Variants in ATE1 observed in about 807,000 individuals in gnomAD.
ATE1 encodes the protein arginyl-tRNA--protein transferase 1.
A neutral mutation model predicts 70.5 loss-of-function variants in ATE1; 36 were observed. That is an observed-to-expected ratio of 0.51 (90% CI 0.39 to 0.67). ATE1 has a LOEUF of 0.67. ATE1 is among the 30% of genes least tolerant of loss of function. The pLI is 0.00. For missense variants in ATE1, 593 were observed against 629.5 expected (o/e 0.94, Z 0.62); for synonymous variants, 232 against 219.3 (o/e 1.06, Z -0.51).
chr10:121,833,152 A>C (rs935888706), intron 10 of ATE1, among the ~76,000 whole-genome samples: 5 of 152,024 alleles, frequency 3.3e-5, no homozygotes, highest in Admixed American at 1.3e-4. Flanking sequence ...CTGTGTCACC[A>C]CCTCCCTTTG....
intron 3 of ATE1, among the ~76,000 whole-genome samples, chr10:121,916,486 C>T (rs762828208): frequency 6.6e-6 from 1 of 152,086 alleles, no homozygotes; most frequent in Non-Finnish European, 1.5e-5. Context: ...AGAAGATGTG[C>T]TTCACTAAAA....
intron 11 of ATE1, among the ~76,000 whole-genome samples, chr10:121,751,328 G>T (rs1312889034): frequency 6.6e-6 from 1 of 152,226 alleles, no homozygotes; most frequent in Non-Finnish European, 1.5e-5. Context: ...GACTTACAGT[G>T]TATTCACAGA....
chr10:121,911,684 C>A (rs1951438302), intron 4 of ATE1, among the ~76,000 whole-genome samples: 2 of 152,098 alleles, frequency 1.3e-5, no homozygotes, highest in South Asian at 4.1e-4. Context: ...CCCAGAATGG[C>A]TGGTGGGGAG....
chr10:121,813,905 G>A (rs1315059932), intron 10 of ATE1, among the ~76,000 whole-genome samples: 3 of 152,124 alleles, frequency 2.0e-5, no homozygotes, highest in Non-Finnish European at 4.4e-5. Flanking sequence ...TGACATAAAC[G>A]TGGCTGTGTA....
intron 7 of ATE1, among the ~76,000 whole-genome samples, chr10:121,892,234 C>T (rs1414421409): frequency 6.7e-6 from 1 of 148,390 alleles, no homozygotes; most frequent in Non-Finnish European, 1.5e-5. Flanking sequence ...AGGATGAAAA[C>T]ACGACCGGTG....
Position 121,927,931 on chromosome 10 carries a change from C to G in ATE1, c.19G>C (p.Gly7Arg). 1 of 1,573,376 alleles carries G rather than the reference C, an allele frequency of 6.4e-7. No individual in the cohort carries two copies. The highest frequency in any genetic ancestry group is 1.2e-5 in the South Asian group (1 of 86,318). Residue 7 changes from glycine to arginine, a missense_variant, in exon 1 of 12, where the codon GGT becomes CGT. Gly to Arg is a moderately radical substitution (Grantham distance 125). This residue lies in a region of ATE1 where 467 missense variants were observed against 469.6 expected (regional missense o/e 0.99). Transcript: ENST00000224652. MAFWAGGSPSVVDYFPS... is the reference protein window; with the variant it reads MAFWAGRSPSVVDYFPS... ...AAATAGTCCACGACGCTGGGCGAAC[C>G]CCCCGCCCAGAAAGCCATGGCCTCG... is the stretch of plus-strand genomic sequence containing the variant.
At position 121,866,165 on chromosome 10, in the gene ATE1, T is replaced by C. The variant is rs17102697; in HGVS notation, c.975+3841A>G. On this transcript the variant is annotated intron_variant, in intron 8 of 11. Coordinates refer to ENST00000224652, the MANE Select transcript of ATE1 (RefSeq NM_001001976.3). ...CCTTTGGTTTGGCTGTCAGGAGCTA[T>C]GTGGTGGCAAAGGAACAGCAGCCCC... is the stretch of plus-strand genomic sequence containing the variant. Among the ~76,000 whole-genome samples the C allele has an allele frequency of 1.0e-3, 157 of 152,316 alleles. 4 individuals carry two copies. The East Asian group carries it at 0.027, about 26-fold the overall frequency.
intron 10 of ATE1, among the ~76,000 whole-genome samples, chr10:121,823,245 G>A (rs183150361): frequency 1.4e-4 from 22 of 152,086 alleles, no homozygotes; most frequent in African/African-American, 4.6e-4. Flanking sequence ...AGCTGAGATC[G>A]CACCACTGCA....
intron 11 of ATE1, among the ~76,000 whole-genome samples, chr10:121,789,585 C>T (rs951645796): frequency 1.3e-5 from 2 of 152,058 alleles, no homozygotes; most frequent in Admixed American, 6.6e-5. Context: ...AGGTGTGAGC[C>T]ACGGCACCCA....
chr10:121,831,352 ATATT>A (rs1283386762), intron 10 of ATE1, among the ~76,000 whole-genome samples: 1 of 152,198 alleles, frequency 6.6e-6, no homozygotes, highest in African/African-American at 2.4e-5. Flanking sequence ...AAACTTATTA[ATATT>A]TATATTTACA....
At chr10:121,845,495 T>C (rs1948782931) in intron 8 of ATE1, among the ~76,000 whole-genome samples, 1 of 152,160 alleles carries the variant, frequency 6.6e-6, no homozygotes. Flanking sequence ...TGTATGAAAC[T>C]ACCTTACTGA....
chr10:121,841,428 C>T (rs1948625327), intron 8 of ATE1, among the ~76,000 whole-genome samples, 165 bp from the exon 9 acceptor site: 2 of 152,096 alleles, frequency 1.3e-5, no homozygotes, highest in African/African-American at 4.8e-5. Flanking sequence ...ACTTTTTCAT[C>T]ATAGAAATAC....
At chr10:121,921,399 C>T (rs1358219225) in intron 3 of ATE1, among the ~76,000 whole-genome samples, 1 of 150,752 alleles carries the variant, frequency 6.6e-6, no homozygotes, top group Non-Finnish European at 1.5e-5. Context: ...GAGGCAGCAA[C>T]AGGCACGGCC....
chr10:121,864,159 C>T (rs1247993047), intron 8 of ATE1, among the ~76,000 whole-genome samples: 1 of 152,144 alleles, frequency 6.6e-6, no homozygotes, highest in East Asian at 1.9e-4. Context: ...TAATGTATGA[C>T]AGCAGTCCCC....
intron 5 of ATE1, among the ~76,000 whole-genome samples, chr10:121,908,098 G>A (rs764409305): frequency 6.6e-6 from 1 of 152,176 alleles, no homozygotes; most frequent in Non-Finnish European, 1.5e-5. Context: ...GCAACAGATT[G>A]CAACAGCAGT....
intron 11 of ATE1, among the ~76,000 whole-genome samples, chr10:121,764,481 T>C (rs1380095708): frequency 5.5e-5 from 2 of 36,258 alleles, no homozygotes; most frequent in African/African-American, 9.5e-5. Context: ...TACCGGTTCC[T>C]GCAAAAAAAA....
intron 10 of ATE1, among the ~76,000 whole-genome samples, chr10:121,811,949 T>C (rs76794631): frequency 0.031 from 4,360 of 139,264 alleles, 119 homozygotes; most frequent in African/African-American, 0.08. Context: ...TTATTCCAAA[T>C]TCTTTTTTTT....
At chr10:121,760,418 A>G (rs1457318457) in intron 11 of ATE1, among the ~76,000 whole-genome samples, 1 of 152,248 alleles carries the variant, frequency 6.6e-6, no homozygotes, top group Admixed American at 6.5e-5. Context: ...TATCAACATT[A>G]ACAGACATTT....
intron 11 of ATE1, among the ~76,000 whole-genome samples, chr10:121,788,006 T>C (rs1418159966): frequency 6.6e-6 from 1 of 152,196 alleles, no homozygotes; most frequent in East Asian, 1.9e-4. Context: ...AGGATCATAA[T>C]ATAATTGGAA....
Sources: allele counts gnomAD v4.1 joint callset (sites outside exome capture counted in the v4.1 genomes callset), GRCh38; gene constraint gnomAD v4.1.1; regional missense constraint gnomAD v4.1.1; transcripts MANE v1.5; gene names NCBI Gene and HGNC (gene_info 2026-07-23, HGNC 2026-07-21).